Variants in KANK1 observed in about 807,000 individuals in gnomAD.
KANK1 encodes the protein KN motif and ankyrin repeat domain-containing protein 1.
KANK1 carries 109 observed loss-of-function variants against 106.2 expected under a neutral mutation model. That is an observed-to-expected ratio of 1.03 (90% confidence interval 0.88 to 1.20). The LOEUF (loss-of-function observed/expected upper bound fraction) is 1.20. KANK1 is among the 50% of genes most tolerant of loss of function. The pLI is 0.00. For missense variants in KANK1, 2,399 were observed against 1,710.7 expected (o/e 1.40, Z -7.10); for synonymous variants, 873 against 652.2 (o/e 1.34, Z -5.16).
intron 11 of KANK1, chr9:744,947 C>T (rs1440590136): frequency 3.5e-6 from 5 of 1,447,042 alleles, no homozygotes; most frequent in South Asian, 1.5e-5. Context: ...GTCCACAGTT[C>T]ACTCTGAGTG....
chr9:576,336 G>A (rs1820552370), intron 1 of KANK1, among the ~76,000 whole-genome samples: 1 of 152,174 alleles, frequency 6.6e-6, no homozygotes, highest in Non-Finnish European at 1.5e-5. Flanking sequence ...GCAGCTGGCA[G>A]CCTCCTTGAA....
At position 598,179 on chromosome 9, in the gene KANK1, T is replaced by C. The variant is rs1026535627; in HGVS notation, c.-83-78711T>C. Among the ~76,000 whole-genome samples the C allele has an allele frequency of 1.3e-5, 2 of 151,818 alleles. 1 individual carries two copies. The highest frequency in any genetic ancestry group is 1.3e-4 in the Admixed American group (2 of 15,280). On this transcript the variant is annotated intron_variant, in intron 1 of 11. Transcript: ENST00000382297. ...TTGTTAAAAATCTATTGGCCATATA[T>C]GTGAGATTTTATTTCTGGACTCTTT...
chr9:643,668 A>C (rs1348791572), intron 1 of KANK1, among the ~76,000 whole-genome samples: 1 of 148,220 alleles, frequency 6.7e-6, no homozygotes, highest in African/African-American at 2.6e-5. Flanking sequence ...GTGTGAGCCA[A>C]TGTGCCTAGC....
intron 1 of KANK1, among the ~76,000 whole-genome samples, chr9:660,671 C>G (rs1470439795): frequency 6.6e-6 from 1 of 152,122 alleles, no homozygotes; most frequent in Non-Finnish European, 1.5e-5. Context: ...TGCAGAGTTC[C>G]CTGCCCTAAG....
intron 1 of KANK1, among the ~76,000 whole-genome samples, chr9:516,642 A>G (rs762161462): frequency 6.6e-5 from 10 of 151,618 alleles, no homozygotes; most frequent in Non-Finnish European, 1.3e-4. Flanking sequence ...AGTGCAGTGC[A>G]GAGACACTGG....
At chr9:662,141 G>A (rs1310153588) in intron 1 of KANK1, among the ~76,000 whole-genome samples, 1 of 152,000 alleles carries the variant, frequency 6.6e-6, no homozygotes, top group Non-Finnish European at 1.5e-5. Context: ...ACCTCTTCAA[G>A]GAGAAGTACA....
intron 1 of KANK1, among the ~76,000 whole-genome samples, chr9:593,374 T>C (rs1253522568): frequency 1.3e-5 from 2 of 151,844 alleles, no homozygotes; most frequent in African/African-American, 2.4e-5. Flanking sequence ...CTATTCCTAA[T>C]ATAACCACTG....
intron 9 of KANK1, among the ~76,000 whole-genome samples, chr9:741,559 C>T (rs907981571): frequency 4.0e-5 from 6 of 149,202 alleles, no homozygotes; most frequent in Non-Finnish European, 8.9e-5. Flanking sequence ...GCGATCTTGG[C>T]TCACTGGAAG....
At chr9:535,891 A>T (rs1256009132) in intron 1 of KANK1, among the ~76,000 whole-genome samples, 1 of 152,182 alleles carries the variant, frequency 6.6e-6, no homozygotes, top group Non-Finnish European at 1.5e-5. Context: ...CTTTCCTACC[A>T]TGTTCCTCAA....
chr9:731,015 C>G, intron 4 of KANK1, 143 bp from the exon 5 acceptor site: 2 of 459,632 alleles, frequency 4.4e-6, no homozygotes, highest in East Asian at 3.8e-5. Flanking sequence ...CACACACTTT[C>G]CCATTGAATT....
chr9:637,258 G>C (rs956771035), intron 1 of KANK1, among the ~76,000 whole-genome samples: 1 of 152,146 alleles, frequency 6.6e-6, no homozygotes, highest in African/African-American at 2.4e-5. Flanking sequence ...TCACAATAAT[G>C]ATGTGAAAGC....
intron 2 of KANK1, among the ~76,000 whole-genome samples, chr9:692,023 A>C (rs1820064010): frequency 1.3e-5 from 2 of 152,164 alleles, no homozygotes; most frequent in Admixed American, 6.6e-5. Context: ...CAGGCAGGCA[A>C]AGCCAGTTCT....
intron 1 of KANK1, among the ~76,000 whole-genome samples, chr9:580,189 G>A (rs899325680): frequency 4.6e-5 from 7 of 152,012 alleles, no homozygotes; most frequent in East Asian, 1.9e-4. Context: ...TTAAGGCGGC[G>A]CGTCTGGAGT....
chr9:511,081 C>G lies in KANK1; in HGVS notation c.-84+6327C>G, dbSNP rs187368777. On this transcript the variant is annotated intron_variant, in intron 1 of 11. Coordinates refer to ENST00000382297, the MANE Select transcript of KANK1 (RefSeq NM_015158.5). ...ATTAATAGGCAAAATGTTAGAAATA[C>G]TCAATATCGATACAAAAGGTTCACT... Among the ~76,000 whole-genome samples, 669 of 152,092 alleles carry G rather than the reference C, an allele frequency of 4.4e-3. 8 individuals are homozygous for G. Among genetic ancestry groups the G allele is most frequent in the African/African-American group, 0.015 (637 of 41,416 alleles).
chr9:666,198 A>G (rs959748654), intron 1 of KANK1, among the ~76,000 whole-genome samples: 1 of 151,936 alleles, frequency 6.6e-6, no homozygotes, highest in Non-Finnish European at 1.5e-5. Flanking sequence ...AAAACAAAAT[A>G]TTCCTGGGTA....
intron 6 of KANK1, 75 bp downstream of exon 6, chr9:732,692 G>C (rs1363282871): frequency 6.6e-7 from 1 of 1,515,930 alleles, no homozygotes; most frequent in Non-Finnish European, 9.0e-7. Context: ...GGCCAGTTCA[G>C]AGCTTTTGTA....
intron 2 of KANK1, among the ~76,000 whole-genome samples, chr9:703,032 C>T (rs1356250422): frequency 6.6e-6 from 1 of 152,000 alleles, no homozygotes; most frequent in Non-Finnish European, 1.5e-5. Flanking sequence ...CTCTCTGTTG[C>T]CCAGGCTGGA....
intron 1 of KANK1, among the ~76,000 whole-genome samples, chr9:628,076 T>C (rs1384690163): frequency 6.6e-6 from 1 of 152,242 alleles, no homozygotes; most frequent in Non-Finnish European, 1.5e-5. Context: ...ATACAGTTGC[T>C]TATTTCATTT....
intron 1 of KANK1, among the ~76,000 whole-genome samples, chr9:604,346 A>T (rs1828545494): frequency 6.6e-6 from 1 of 151,578 alleles, no homozygotes; most frequent in South Asian, 2.1e-4. Flanking sequence ...TGAGGGAGGG[A>T]CCTGATGGGA....
Sources: gnomAD v4.1 joint callset for allele counts (sites outside exome capture counted in the v4.1 genomes callset) on GRCh38, gnomAD v4.1.1 for gene constraint, MANE v1.5 for transcripts, NCBI Gene and HGNC (gene_info 2026-07-23, HGNC 2026-07-21) for gene names.